AMELY: variants seen among roughly 807,000 people sequenced by gnomAD.
The protein encoded by AMELY is amelogenin Y-linked.
In AMELY, 4 loss-of-function variants were observed where a neutral mutation model predicts 4.2. That is an observed-to-expected ratio of 0.96 (90% CI 0.47 to 2.19). AMELY has a LOEUF of 2.19. AMELY is among the 30% of genes most tolerant of loss of function. The pLI is 0.02. For synonymous variants in AMELY, 11 were observed against 14.7 expected (o/e 0.75, Z 0.57); for missense variants, 32 against 41.5 (o/e 0.77, Z 0.63).
chrY:6,876,937 G>A, intron 1 of AMELY, among the ~76,000 whole-genome samples: 6 of 33,036 alleles, frequency 1.8e-4, no homozygotes, highest in East Asian at 8.1e-4. Context: ...CATGCAACTC[G>A]CCAGAGAGAA....
intron 1 of AMELY, among the ~76,000 whole-genome samples, chrY:6,892,863 A>G (rs2054084283): frequency 5.9e-5 from 2 of 33,640 alleles, no homozygotes; most frequent in Non-Finnish European, 1.5e-4. Flanking sequence ...GACAGGTAGA[A>G]CGCATGAATC....
intron 4 of AMELY, among the ~76,000 whole-genome samples, chrY:6,869,523 C>A: frequency 3.0e-5 from 1 of 33,601 alleles, no homozygotes; most frequent in Non-Finnish European, 7.3e-5. Flanking sequence ...CTTGACAAAG[C>A]AGTTTTTATA....
At chrY:6,906,818 T>C in intron 1 of AMELY, among the ~76,000 whole-genome samples, 5 of 31,381 alleles carry the variant, frequency 1.6e-4, no homozygotes, top group Non-Finnish European at 3.1e-4. Context: ...TGGAGTGCAG[T>C]GGCACCATAT....
At chrY:6,906,361 G>T in intron 1 of AMELY, among the ~76,000 whole-genome samples, 1 of 33,064 alleles carries the variant, frequency 3.0e-5, no homozygotes, top group African/African-American at 1.2e-4. Context: ...TATACACAGA[G>T]ATGCACACAC....
chrY:6,879,307 T>C lies in AMELY; in HGVS notation c.-112-5236A>G. Among the ~76,000 whole-genome samples, 4 of 33,965 alleles carry C rather than the reference T, an allele frequency of 1.2e-4. No homozygotes were observed. In the South Asian group the frequency reaches 2.6e-3, roughly 22 times the overall value. The allele number at this position is 33,965 out of a possible 37,273, so 91.1% of individuals were successfully genotyped here. ...ATCATGAGCATTTTTTCATGTGTCT[T>C]TTGGCTGCATAAATGTCTTATTTTG... is the stretch of plus-strand genomic sequence containing the variant. On this transcript the variant is annotated intron_variant, in intron 1 of 6. Coordinates refer to ENST00000651267, the MANE Select transcript of AMELY (RefSeq NM_001143.2).
intron 1 of AMELY, chrY:6,901,227 T>C (rs2054089336): frequency 2.9e-5 from 1 of 34,995 alleles, no homozygotes; most frequent in Non-Finnish European, 7.3e-5. Flanking sequence ...CTGGAGGACC[T>C]GTTGATACCA....
intron 1 of AMELY, among the ~76,000 whole-genome samples, 50 bp downstream of exon 1, chrY:6,911,623 C>T: frequency 2.9e-5 from 1 of 34,875 alleles, no homozygotes; most frequent in Admixed American, 2.5e-4. Flanking sequence ...CCCCCCCGCG[C>T]CCCCGGTCTG....
chrY:6,905,545 C>CTTCT (rs2011660690), intron 1 of AMELY, among the ~76,000 whole-genome samples: 2 of 20,028 alleles, frequency 1.0e-4, no homozygotes, highest in Admixed American at 5.6e-4. Context: ...TCCTTCCTTC[C>CTTCT]TTCTTTCTTT....
chrY:6,907,986 G>C, intron 1 of AMELY, among the ~76,000 whole-genome samples: 1 of 32,701 alleles, frequency 3.1e-5, no homozygotes, highest in Non-Finnish European at 7.5e-5. Flanking sequence ...GGGATTACAG[G>C]TGCAAGTCAC....
At chrY:6,909,769 A>G (rs112359018) in intron 1 of AMELY, among the ~76,000 whole-genome samples, 24 of 31,855 alleles carry the variant, frequency 7.5e-4, no homozygotes, top group African/African-American at 2.9e-3. Flanking sequence ...ACCCCTTAAA[A>G]ATTCATCTCG....
intron 6 of AMELY, among the ~76,000 whole-genome samples, chrY:6,867,310 T>C (rs930511954): frequency 5.0e-4 from 17 of 33,688 alleles, no homozygotes; most frequent in African/African-American, 2.0e-3. Context: ...TACATATAAG[T>C]GATAGATCAC....
chrY:6,894,168 G>A (rs752578483), intron 1 of AMELY, among the ~76,000 whole-genome samples: 1 of 33,161 alleles, frequency 3.0e-5, no homozygotes, highest in East Asian at 8.1e-4. Context: ...CAGCTGCAAC[G>A]ACATCTCCAA....
At chrY:6,878,213 T>C in intron 1 of AMELY, among the ~76,000 whole-genome samples, 1 of 33,085 alleles carries the variant, frequency 3.0e-5, no homozygotes, top group Non-Finnish European at 7.5e-5. Context: ...GATTATGACA[T>C]GGTGTCAGGT....
intron 1 of AMELY, among the ~76,000 whole-genome samples, chrY:6,886,237 G>A (rs2054080034): frequency 3.0e-5 from 1 of 33,283 alleles, no homozygotes; most frequent in African/African-American, 1.2e-4. Flanking sequence ...CTCAATAAAG[G>A]AATGAAAGTT....
chrY:6,899,753 T>A (rs539861601), intron 1 of AMELY, among the ~76,000 whole-genome samples: 1 of 28,782 alleles, frequency 3.5e-5, no homozygotes, highest in African/African-American at 1.4e-4. Context: ...GAAAAAAAAA[T>A]CAGCTTGATT....
chrY:6,875,551 G>A, intron 1 of AMELY, among the ~76,000 whole-genome samples: 1 of 33,245 alleles, frequency 3.0e-5, no homozygotes, highest in Non-Finnish European at 7.5e-5. Context: ...TAAAGTGAAC[G>A]TAGAATATAG....
chrY:6,895,653 C>T, intron 1 of AMELY, among the ~76,000 whole-genome samples: 1 of 33,823 alleles, frequency 3.0e-5, no homozygotes, highest in Non-Finnish European at 7.3e-5. Flanking sequence ...GTTTTGGTTA[C>T]TCTAGCCTTG....
chrY:6,895,611 C>T (rs2054085686), intron 1 of AMELY, among the ~76,000 whole-genome samples: 1 of 33,629 alleles, frequency 3.0e-5, no homozygotes, highest in East Asian at 8.1e-4. Context: ...TTCCATTGGT[C>T]TATATCTCTG....
intron 3 of AMELY, 101 bp downstream of exon 3, chrY:6,872,454 C>A: frequency 3.7e-6 from 1 of 270,916 alleles, no homozygotes; most frequent in Non-Finnish European, 5.7e-6. Context: ...GGCCTCTTAG[C>A]TCAAACTGTT....
Sources: gnomAD v4.1 joint callset for allele counts (sites outside exome capture counted in the v4.1 genomes callset) on GRCh38, gnomAD v4.1.1 for gene constraint, MANE v1.5 for transcripts, NCBI Gene and HGNC (gene_info 2026-07-23, HGNC 2026-07-21) for gene names.